SIRPG: variants seen among roughly 807,000 people sequenced by gnomAD.
SIRPG encodes the protein signal regulatory protein gamma, also known as signal-regulatory protein gamma.
SIRPG carries 38 observed loss-of-function variants against 35.7 expected under a neutral mutation model. The observed-to-expected ratio is 1.06, with a 90% CI of 0.82 to 1.40. The LOEUF (loss-of-function observed/expected upper bound fraction) is 1.40, where lower values mean the gene tolerates loss of function less well. Among genes scored for constraint, SIRPG ranks in the 40% most tolerant of loss-of-function variants. SIRPG has a pLI of 0.00. For synonymous variants in SIRPG, 215 were observed against 190.4 expected, an observed-to-expected ratio of 1.13 and a Z score of -1.06; for missense variants, 519 against 483.0, an observed-to-expected ratio of 1.07 and a Z score of -0.70.
At chr20:1,649,446 A>G (rs1310139134) in intron 1 of SIRPG, 38 bp from the exon 2 acceptor site, 1 of 1,535,010 alleles carries the variant, frequency 6.5e-7, no homozygotes, top group Middle Eastern at 1.7e-4. Context: ...TTTCATCCTT[A>G]CATAATCCTG....
chr20:1,682,387 A>G, the SIRPG span, among the ~76,000 whole-genome samples: 1,590 of 152,338 alleles, frequency 0.01, 8 homozygotes, highest in Non-Finnish European at 0.017. Flanking sequence ...GTGACACACT[A>G]CATAAACAGA....
At chr20:1,654,697 C>T (rs759300844) in intron 1 of SIRPG, among the ~76,000 whole-genome samples, 6 of 152,112 alleles carry the variant, frequency 3.9e-5, no homozygotes, top group Non-Finnish European at 7.4e-5. Context: ...TAACAACAAA[C>T]TAAAAAAGCT....
At chr20:1,684,011 G>C in the SIRPG span, among the ~76,000 whole-genome samples, 1 of 152,020 alleles carries the variant, frequency 6.6e-6, no homozygotes, top group Non-Finnish European at 1.5e-5. Context: ...TGGTTACCAG[G>C]GGCAGGGGAG....
upstream of SIRPG, among the ~76,000 whole-genome samples, chr20:1,661,609 C>T (rs550817294): frequency 1.3e-5 from 2 of 152,148 alleles, no homozygotes; most frequent in Admixed American, 1.3e-4. Context: ...CAGACTGTCT[C>T]ATGGAGAGAA....
chr20:1,675,021 A>G, the SIRPG span, among the ~76,000 whole-genome samples: 2 of 152,060 alleles, frequency 1.3e-5, no homozygotes, highest in Non-Finnish European at 2.9e-5. Flanking sequence ...TGCACACCCA[A>G]TTGTCCCTTT....
At chr20:1,659,816 G>A (rs918266302), upstream of SIRPG, among the ~76,000 whole-genome samples, 1 of 152,224 alleles carries the variant, frequency 6.6e-6, no homozygotes, top group Non-Finnish European at 1.5e-5. Context: ...ATTAGGAGCA[G>A]CCCTCATAGT....
chr20:1,640,181 G>A (rs888707799), intron 2 of SIRPG, among the ~76,000 whole-genome samples: 2 of 152,006 alleles, frequency 1.3e-5, no homozygotes, highest in Non-Finnish European at 2.9e-5. Context: ...TAATTTGATG[G>A]GAATAGCACT....
the SIRPG span, among the ~76,000 whole-genome samples, chr20:1,673,751 A>G: frequency 8.3e-4 from 126 of 152,294 alleles, no homozygotes; most frequent in African/African-American, 2.8e-3. Flanking sequence ...CCTCCAGAGG[A>G]GCTATTTACA....
the SIRPG span, among the ~76,000 whole-genome samples, chr20:1,680,701 A>G: frequency 8.5e-5 from 12 of 141,066 alleles, no homozygotes; most frequent in Non-Finnish European, 1.6e-5. Context: ...AATAAAGGGA[A>G]AAACACATGA....
chr20:1,683,020 A>G, the SIRPG span, among the ~76,000 whole-genome samples: 1 of 152,226 alleles, frequency 6.6e-6, no homozygotes, highest in Admixed American at 6.5e-5. Flanking sequence ...TCAATACACA[A>G]AACATATAAA....
In SIRPG at chr20:1,636,367, G is replaced by A. The variant is rs772163644; in HGVS notation, c.569C>T (p.Ser190Leu). The change falls in exon 3 of 6, where the codon TCA becomes TTA. Residue 190 changes from serine (S) to leucine (L), a missense_variant. Physicochemically the swap from Ser to Leu is moderately radical, Grantham distance 145. Transcript: ENST00000303415. ...LKWFKNGNEL[S>L]DFQTNVDPTG... ...GGGGTCCACGTTGGTCTGGAAGTCTGAGAGCTCATTCCCATTTTTGAACCA... is the reference window on the plus strand; with the variant it reads ...GGGGTCCACGTTGGTCTGGAAGTCTAAGAGCTCATTCCCATTTTTGAACCA... 4 of 1,614,246 alleles carry A rather than the reference G, an allele frequency of 2.5e-6. No individual in the cohort carries two copies. In the Admixed American group the frequency reaches 6.7e-5, roughly 27 times the overall value.
At chr20:1,636,650 TAC>T in intron 2 of SIRPG, 145 bp from the exon 3 acceptor site, 1 of 1,028,076 alleles carries the variant, frequency 9.7e-7, no homozygotes, top group Non-Finnish European at 1.4e-6. Flanking sequence ...ATTCTCATTT[TAC>T]AGAGCAGGAT....
intron 4 of SIRPG, among the ~76,000 whole-genome samples, chr20:1,631,101 T>C (rs1041407860): frequency 6.6e-6 from 1 of 152,188 alleles, no homozygotes. Flanking sequence ...ATTTTTAACA[T>C]GAGCAGTTCA....
At chr20:1,664,761 G>A in the SIRPG span, among the ~76,000 whole-genome samples, 1 of 152,194 alleles carries the variant, frequency 6.6e-6, no homozygotes. Context: ...TGAGATGTCT[G>A]TGGTGGTTGG....
chr20:1,636,545 A>G, intron 2 of SIRPG, 40 bp from the exon 3 acceptor site: 7 of 1,600,760 alleles, frequency 4.4e-6, no homozygotes, highest in Non-Finnish European at 6.0e-6. Context: ...CATGACTGAG[A>G]TGACAATCAC....
chr20:1,682,806 G>C, the SIRPG span, among the ~76,000 whole-genome samples: 1 of 152,140 alleles, frequency 6.6e-6, no homozygotes, highest in Non-Finnish European at 1.5e-5. Context: ...TCAGTTTCTA[G>C]ATATCAGCCC....
intron 2 of SIRPG, chr20:1,648,402 G>T (rs563637066): frequency 2.0e-5 from 3 of 152,278 alleles, no homozygotes; most frequent in African/African-American, 7.2e-5. Flanking sequence ...CAGTGAATCT[G>T]TGCCTCCCAG....
the SIRPG span, chr20:1,671,113 C>A: frequency 2.3e-6 from 1 of 427,660 alleles, no homozygotes; most frequent in Non-Finnish European, 4.7e-6. Flanking sequence ...GGGGGAGAAG[C>A]CGTGGGACTC....
intron 2 of SIRPG, chr20:1,638,392 T>C (rs764958822): frequency 1.2e-4 from 18 of 152,186 alleles, no homozygotes; most frequent in Non-Finnish European, 2.6e-4. Context: ...CTTCTGAATC[T>C]ACACACTTAT....
Sources: allele counts gnomAD v4.1 joint callset (sites outside exome capture counted in the v4.1 genomes callset), GRCh38; gene constraint gnomAD v4.1.1; transcripts MANE v1.5; gene names NCBI Gene and HGNC (gene_info 2026-07-23, HGNC 2026-07-21).